Variants in OXR1 observed in about 807,000 individuals in gnomAD.
OXR1 encodes the protein oxidation resistance protein 1.
In OXR1, 41 loss-of-function variants were observed where a neutral mutation model predicts 104.6. That is an observed-to-expected ratio of 0.39 (90% CI 0.31 to 0.51). The LOEUF (loss-of-function observed/expected upper bound fraction) is 0.51. Ranked by LOEUF, OXR1 falls within the 20% of genes least tolerant of loss-of-function variation. The pLI, the probability that OXR1 is intolerant of heterozygous loss-of-function variation, is 0.77. For missense variants in OXR1, 955 were observed against 1,031.9 expected (o/e 0.93, Z 1.02); for synonymous variants, 348 against 348.4 (o/e 1.00, Z 0.01).
At chr8:106,523,824 G>T (rs1193211377) in intron 3 of OXR1, among the ~76,000 whole-genome samples, 2 of 151,770 alleles carry the variant, frequency 1.3e-5, no homozygotes, top group Admixed American at 6.6e-5. Flanking sequence ...GCCCAGGCTG[G>T]AGTGCAGTGG....
intron 2 of OXR1, among the ~76,000 whole-genome samples, chr8:106,414,322 C>A (rs1030387781): frequency 2.0e-5 from 3 of 152,154 alleles, no homozygotes; most frequent in African/African-American, 7.2e-5. Context: ...AGAGTGGTGT[C>A]TATCCTGTGT....
intron 1 of OXR1, among the ~76,000 whole-genome samples, chr8:106,277,650 G>A (rs1377308037): frequency 6.6e-6 from 1 of 152,224 alleles, no homozygotes; most frequent in African/African-American, 2.4e-5. Flanking sequence ...CAGTTGCACT[G>A]CAGTTTCCAT....
At chr8:106,406,112 C>G (rs891747596) in intron 2 of OXR1, among the ~76,000 whole-genome samples, 2 of 152,132 alleles carry the variant, frequency 1.3e-5, no homozygotes, top group Non-Finnish European at 2.9e-5. Context: ...CTGTCTGTAT[C>G]TTACCCCGAC....
chr8:106,665,348 C>G (rs574627037), intron 3 of OXR1, among the ~76,000 whole-genome samples: 1 of 152,284 alleles, frequency 6.6e-6, no homozygotes, highest in South Asian at 2.1e-4. Flanking sequence ...TGTGTAAACT[C>G]CACACAGACA....
At chr8:106,566,225 T>C (rs1233639741) in intron 3 of OXR1, among the ~76,000 whole-genome samples, 2 of 152,056 alleles carry the variant, frequency 1.3e-5, no homozygotes, top group Non-Finnish European at 2.9e-5. Flanking sequence ...CATCTATCCA[T>C]CTGACAAAGG....
chr8:106,548,169 T>C (rs1234628417), intron 3 of OXR1, among the ~76,000 whole-genome samples: 3 of 152,248 alleles, frequency 2.0e-5, no homozygotes, highest in African/African-American at 4.8e-5. Flanking sequence ...ATAGTCATCC[T>C]AATGAGTGGG....
chr8:106,319,976 G>C lies in OXR1; in HGVS notation c.-138-39500G>C, dbSNP rs991979886. 2.0e-5 allele frequency among the ~76,000 whole-genome samples: 3 copies of C among 152,248 alleles called. No homozygotes were observed. The East Asian group carries it at 5.8e-4, about 29-fold the overall frequency. The stretch of plus-strand genomic sequence containing the variant: ...TTGAGAGGTGACCTTTTGTGGACTG[G>C]AGGAGGCTGAGAAACTGAGTGAAGT... On this transcript the variant is annotated intron_variant, in intron 1 of 16. Coordinates refer to ENST00000517566, the MANE Select transcript of OXR1 (RefSeq NM_001198533.2).
intron 3 of OXR1, among the ~76,000 whole-genome samples, chr8:106,594,526 G>T (rs1015775858): frequency 3.3e-5 from 5 of 152,170 alleles, no homozygotes; most frequent in Non-Finnish European, 7.3e-5. Flanking sequence ...AACCTTATTA[G>T]TTGAGAGTTG....
At chr8:106,431,646 A>G (rs1434901216) in intron 2 of OXR1, among the ~76,000 whole-genome samples, 1 of 152,142 alleles carries the variant, frequency 6.6e-6, no homozygotes, top group Non-Finnish European at 1.5e-5. Context: ...CTCTATGAGG[A>G]CTTTATTTTG....
chr8:106,509,973 T>C (rs1812417682), intron 2 of OXR1, among the ~76,000 whole-genome samples: 1 of 152,142 alleles, frequency 6.6e-6, no homozygotes, highest in Admixed American at 6.5e-5. Context: ...GATTTCACCA[T>C]GTTGGCCATG....
chr8:106,413,264 T>TC (rs1307368132), intron 2 of OXR1, among the ~76,000 whole-genome samples: 3 of 152,142 alleles, frequency 2.0e-5, no homozygotes, highest in Non-Finnish European at 4.4e-5. Context: ...TCATTTGCTG[T>TC]AAGTCCTAAA....
chr8:106,317,384 A>G (rs926708501), intron 1 of OXR1, among the ~76,000 whole-genome samples: 3 of 152,168 alleles, frequency 2.0e-5, no homozygotes, highest in East Asian at 1.9e-4. Context: ...TCCAAACAGT[A>G]GCCCCCATTT....
At chr8:106,299,252 T>C (rs929406369) in intron 1 of OXR1, among the ~76,000 whole-genome samples, 1 of 151,846 alleles carries the variant, frequency 6.6e-6, no homozygotes, top group African/African-American at 2.4e-5. Context: ...GATAAGAACA[T>C]GGCAGACCTC....
At chr8:106,573,511 A>C (rs1817623040) in intron 3 of OXR1, among the ~76,000 whole-genome samples, 2 of 152,222 alleles carry the variant, frequency 1.3e-5, no homozygotes, top group South Asian at 4.1e-4. Flanking sequence ...CACTGGTCAA[A>C]TACTGACTTT....
At chr8:106,728,167 A>C (rs963217119) in intron 11 of OXR1, among the ~76,000 whole-genome samples, 1 of 149,418 alleles carries the variant, frequency 6.7e-6, no homozygotes, top group Non-Finnish European at 1.5e-5. Context: ...TTGTAGATTG[A>C]GAGCCCTGTA....
intron 2 of OXR1, among the ~76,000 whole-genome samples, chr8:106,407,538 A>G (rs148055714): frequency 1.3e-5 from 2 of 152,322 alleles, no homozygotes; most frequent in South Asian, 2.1e-4. Context: ...TACTAATTGA[A>G]TACCTTCATT....
intron 6 of OXR1, among the ~76,000 whole-genome samples, chr8:106,692,188 TA>T (rs1287876556): frequency 6.6e-6 from 1 of 152,064 alleles, no homozygotes; most frequent in East Asian, 1.9e-4. Context: ...CCAAAAAAGT[TA>T]AGAAACTTGT....
At chr8:106,399,252 A>G (rs561336658) in intron 2 of OXR1, among the ~76,000 whole-genome samples, 17 of 152,304 alleles carry the variant, frequency 1.1e-4, no homozygotes, top group East Asian at 5.8e-4. Context: ...AAGAATAAAG[A>G]TAGTAAAAAG....
chr8:106,323,355 T>A (rs528022809), intron 1 of OXR1, among the ~76,000 whole-genome samples: 1 of 152,160 alleles, frequency 6.6e-6, no homozygotes, highest in Admixed American at 6.6e-5. Context: ...CTTTACACCA[T>A]ATACAAAAGT....
Sources: gnomAD v4.1 joint callset for allele counts (sites outside exome capture counted in the v4.1 genomes callset) on GRCh38, gnomAD v4.1.1 for gene constraint, MANE v1.5 for transcripts, NCBI Gene and HGNC (gene_info 2026-07-23, HGNC 2026-07-21) for gene names.